CPNE4: variants seen among roughly 807,000 people sequenced by gnomAD.
CPNE4 encodes copine 4.
In CPNE4, 25 loss-of-function variants were observed where a neutral mutation model predicts 67.9. The observed-to-expected ratio is 0.37, with a 90% CI of 0.27 to 0.51. CPNE4 has a LOEUF of 0.51. Ranked by LOEUF, CPNE4 falls within the 20% of genes least tolerant of loss-of-function variation. The pLI is 0.93. For synonymous variants in CPNE4, 242 were observed against 244.9 expected, an observed-to-expected ratio of 0.99 and a Z score of 0.11; for missense variants, 464 against 690.8, an observed-to-expected ratio of 0.67 and a Z score of 3.68.
At chr3:132,035,158 G>T, upstream of CPNE4, 1 of 668,476 alleles carries the variant, frequency 1.5e-6, no homozygotes, top group Non-Finnish European at 1.9e-6. Context: ...GGCGCTCTCC[G>T]TGGTCCTGCC....
intron 2 of CPNE4, among the ~76,000 whole-genome samples, chr3:131,878,094 A>G (rs1336982618): frequency 1.3e-5 from 2 of 152,228 alleles, no homozygotes; most frequent in Admixed American, 6.5e-5. Context: ...AAAGCTAAAC[A>G]TAGTCTCGCC....
intron 2 of CPNE4, among the ~76,000 whole-genome samples, chr3:131,792,628 TA>T (rs2083764972): frequency 9.3e-6 from 1 of 107,702 alleles, no homozygotes; most frequent in Non-Finnish European, 1.8e-5. Context: ...TGTATATATA[TA>T]TACACACGTG....
intron 2 of CPNE4, among the ~76,000 whole-genome samples, chr3:131,837,186 C>A (rs971206542): frequency 5.3e-5 from 8 of 151,992 alleles, no homozygotes; most frequent in African/African-American, 1.7e-4. Context: ...TATAAACTGA[C>A]AAATATGACT....
intron 1 of CPNE4, among the ~76,000 whole-genome samples, chr3:132,023,533 G>C (rs920754715): frequency 2.3e-5 from 3 of 132,754 alleles, no homozygotes; most frequent in African/African-American, 8.8e-5. Flanking sequence ...TGTCGCCCAG[G>C]CTGGAGTGCA....
chr3:131,683,683 C>A (rs1240880766), intron 6 of CPNE4, among the ~76,000 whole-genome samples: 2 of 152,044 alleles, frequency 1.3e-5, no homozygotes, highest in Non-Finnish European at 2.9e-5. Context: ...AGGTTGTATA[C>A]CCTCATAGCC....
chr3:131,734,885 C>G (rs2107767206), intron 2 of CPNE4, among the ~76,000 whole-genome samples: 1 of 152,212 alleles, frequency 6.6e-6, no homozygotes, highest in African/African-American at 2.4e-5. Context: ...GAGTGAAACC[C>G]TGTCCCTCCC....
At chr3:131,833,143 C>A (rs2085438086) in intron 2 of CPNE4, among the ~76,000 whole-genome samples, 1 of 152,170 alleles carries the variant, frequency 6.6e-6, no homozygotes. Flanking sequence ...AATCTGCTGA[C>A]ACCTTGACCT....
intron 2 of CPNE4, among the ~76,000 whole-genome samples, chr3:131,773,335 T>G (rs926479237): frequency 1.5e-5 from 2 of 135,824 alleles, no homozygotes; most frequent in Admixed American, 7.9e-5. Flanking sequence ...ATGTGATTAT[T>G]AATGAAGTTT....
chr3:131,953,482 G>A (rs1400394525), intron 1 of CPNE4, among the ~76,000 whole-genome samples: 2 of 152,008 alleles, frequency 1.3e-5, no homozygotes, highest in African/African-American at 4.8e-5. Context: ...TGATTATATG[G>A]TTTTTGTCCT....
chr3:131,541,682 T>C (rs117547349), intron 15 of CPNE4, among the ~76,000 whole-genome samples: 3 of 152,232 alleles, frequency 2.0e-5, no homozygotes, highest in East Asian at 3.9e-4. Context: ...TTTATTTACT[T>C]TTTTTGAAAC....
chr3:131,804,253 G>T (rs978368238), intron 2 of CPNE4, among the ~76,000 whole-genome samples: 2 of 150,488 alleles, frequency 1.3e-5, no homozygotes, highest in South Asian at 4.3e-4. Flanking sequence ...AACTCAGTTT[G>T]TCTGCTATAA....
intron 2 of CPNE4, among the ~76,000 whole-genome samples, chr3:131,852,681 A>T (rs1483135086): frequency 2.6e-5 from 4 of 151,866 alleles, no homozygotes; most frequent in Non-Finnish European, 4.4e-5. Flanking sequence ...AGACAAAAAA[A>T]AAATTAGATC....
rs570046357 is a variant in CPNE4, at chr3:131,814,458, C to T, written c.180+90806G>A. Among the ~76,000 whole-genome samples the T allele has an allele frequency of 1.5e-4, 23 of 152,008 alleles. No individual in the cohort carries two copies. The East Asian group carries it at 4.3e-3, about 28-fold the overall frequency. On this transcript the variant is annotated intron_variant, in intron 2 of 15. Coordinates refer to ENST00000429747, the MANE Select transcript of CPNE4 (RefSeq NM_130808.3). The stretch of plus-strand genomic sequence containing the variant: ...TAAGGGCCCAGGAAATGCGTTCCTA[C>T]CGTGTGTACAGAAGGGAGAAAACTA...
chr3:131,676,857 G>T (rs2080586495), intron 6 of CPNE4, among the ~76,000 whole-genome samples: 1 of 151,792 alleles, frequency 6.6e-6, no homozygotes, highest in Admixed American at 6.6e-5. Context: ...GTGCATGTAT[G>T]TTTATAACAA....
At chr3:131,596,621 CAA>C (rs58456346) in intron 7 of CPNE4, among the ~76,000 whole-genome samples, 2,285 of 32,464 alleles carry the variant, frequency 0.07, 10 homozygotes, top group African/African-American at 0.13. Flanking sequence ...GACTCCGTCT[CAA>C]AAAAAAAAAA....
intron 2 of CPNE4, among the ~76,000 whole-genome samples, chr3:131,890,670 A>G (rs2088079720): frequency 6.6e-6 from 1 of 152,198 alleles, no homozygotes; most frequent in Admixed American, 6.5e-5. Context: ...CATTATTCAC[A>G]ATAGCCAAAA....
intron 1 of CPNE4, among the ~76,000 whole-genome samples, chr3:131,963,152 G>A (rs969832341): frequency 6.6e-6 from 1 of 151,984 alleles, no homozygotes; most frequent in African/African-American, 2.4e-5. Context: ...GCAAGGAGCT[G>A]GGGGAGCCCC....
chr3:131,631,589 G>A (rs57529358), intron 7 of CPNE4, among the ~76,000 whole-genome samples: 8 of 151,898 alleles, frequency 5.3e-5, no homozygotes, highest in South Asian at 2.1e-4. Context: ...ACGGAAAACC[G>A]GAAATTATTA....
intron 1 of CPNE4, among the ~76,000 whole-genome samples, chr3:131,933,583 T>TGTAG (rs2107835933): frequency 6.6e-6 from 1 of 152,296 alleles, no homozygotes; most frequent in South Asian, 2.1e-4. Context: ...ATTCTTATAT[T>TGTAG]CACTGCAGCA....
Sources: allele counts gnomAD v4.1 joint callset (sites outside exome capture counted in the v4.1 genomes callset), GRCh38; gene constraint gnomAD v4.1.1; transcripts MANE v1.5; gene names NCBI Gene and HGNC (gene_info 2026-07-23, HGNC 2026-07-21).